UNC13C: variants seen among roughly 807,000 people sequenced by gnomAD.
UNC13C encodes the protein protein unc-13 homolog C.
A neutral mutation model predicts 245.4 loss-of-function variants in UNC13C; 174 were observed. The observed-to-expected ratio is 0.71, with a 90% confidence interval of 0.63 to 0.80. The LOEUF (loss-of-function observed/expected upper bound fraction) is 0.80. Ranked by LOEUF, UNC13C falls within the 30% of genes least tolerant of loss-of-function variation. The pLI, the probability that UNC13C is intolerant of heterozygous loss-of-function variation, is 0.00. For synonymous variants in UNC13C, 992 were observed against 895.1 expected (o/e 1.11, Z -1.93); for missense variants, 2,829 against 2,602.9 (o/e 1.09, Z -1.89).
chr15:54,027,381 G>T lies in UNC13C; in HGVS notation c.2983+11495G>T, dbSNP rs530336785. Among the ~76,000 whole-genome samples the T allele has an allele frequency of 1.7e-4, 26 of 152,078 alleles. No homozygotes were observed. In the East Asian group the frequency reaches 4.4e-3, roughly 26 times the overall value. ...CTGTTGAACTCTCCTCTTTTGTTTT[G>T]TTTTTGAGACAGAGTCTCGCTCTGT... is the stretch of plus-strand genomic sequence containing the variant. On this transcript the variant is annotated intron_variant, in intron 2 of 32. Transcript: ENST00000260323.
intron 30 of UNC13C, among the ~76,000 whole-genome samples, chr15:54,592,662 C>T (rs1178919682): frequency 6.6e-6 from 1 of 151,950 alleles, no homozygotes; most frequent in Admixed American, 6.6e-5. Context: ...CTTTTTCTAC[C>T]CCTTTAAGTT....
At chr15:54,210,175 A>G (rs1325700928) in intron 4 of UNC13C, among the ~76,000 whole-genome samples, 2 of 150,064 alleles carry the variant, frequency 1.3e-5, no homozygotes, top group Non-Finnish European at 3.0e-5. Flanking sequence ...ATAAATATTT[A>G]TTATATTATG....
intron 10 of UNC13C, among the ~76,000 whole-genome samples, chr15:54,285,313 G>A (rs896441120): frequency 6.6e-6 from 1 of 152,004 alleles, no homozygotes; most frequent in Non-Finnish European, 1.5e-5. Context: ...AAATGTAGGT[G>A]AGAAAAGTTT....
chr15:54,606,903 T>C (rs1215830143), intron 30 of UNC13C, among the ~76,000 whole-genome samples: 3 of 152,134 alleles, frequency 2.0e-5, no homozygotes, highest in Admixed American at 6.6e-5. Context: ...ATTTACCGAA[T>C]TGGAAATATA....
the UNC13C span, among the ~76,000 whole-genome samples, chr15:53,944,244 C>A: frequency 2.6e-5 from 4 of 151,966 alleles, no homozygotes. Flanking sequence ...TTTAATTTGG[C>A]TCTTTTTTTA....
chr15:54,626,788 T>C, intron 32 of UNC13C, 40 bp from the exon 33 acceptor site: 1 of 1,567,810 alleles, frequency 6.4e-7, no homozygotes, highest in Non-Finnish European at 8.7e-7. Context: ...CTAGTGGAAG[T>C]AAAGTTTTTG....
chr15:53,843,527 AT>A, the UNC13C span, among the ~76,000 whole-genome samples: 5 of 151,644 alleles, frequency 3.3e-5, no homozygotes, highest in African/African-American at 7.3e-5. Context: ...TGTTTTACTT[AT>A]TTTTTTATAA....
chr15:54,130,534 C>T (rs536246438), intron 2 of UNC13C, among the ~76,000 whole-genome samples: 1 of 152,120 alleles, frequency 6.6e-6, no homozygotes, highest in African/African-American at 2.4e-5. Flanking sequence ...CCTCGTGATC[C>T]ACCCGCCTCG....
chr15:53,875,856 G>C, the UNC13C span, among the ~76,000 whole-genome samples: 2 of 152,162 alleles, frequency 1.3e-5, no homozygotes, highest in African/African-American at 4.8e-5. Flanking sequence ...ACACAGTGCT[G>C]ACACATGGCA....
At chr15:54,507,251 A>G (rs1894515022) in intron 23 of UNC13C, 57 bp downstream of exon 23, 1 of 1,094,174 alleles carries the variant, frequency 9.1e-7, no homozygotes, top group Non-Finnish European at 1.4e-6. Context: ...TACTTCTTCA[A>G]AGTATGAGTA....
intron 13 of UNC13C, among the ~76,000 whole-genome samples, chr15:54,302,313 T>C (rs1298645097): frequency 6.6e-6 from 1 of 152,232 alleles, no homozygotes; most frequent in Non-Finnish European, 1.5e-5. Flanking sequence ...CATTTGTCAA[T>C]TTTGGCTTTT....
intron 2 of UNC13C, among the ~76,000 whole-genome samples, chr15:54,083,040 G>A (rs185943265): frequency 6.6e-6 from 1 of 152,154 alleles, no homozygotes; most frequent in Non-Finnish European, 1.5e-5. Context: ...AATTCAGGCT[G>A]CATTCCAGTA....
chr15:54,487,786 AAAAGACAGAGAG>A (rs1257271387), intron 19 of UNC13C, among the ~76,000 whole-genome samples: 8,208 of 94,000 alleles, frequency 0.087, 272 homozygotes, highest in East Asian at 0.14. Context: ...AAAAAAAAAA[AAAAGACAGAGAG>A]AGAGAAAAGA....
intron 14 of UNC13C, among the ~76,000 whole-genome samples, chr15:54,326,341 A>G (rs1435674275): frequency 2.0e-5 from 3 of 152,128 alleles, no homozygotes; most frequent in African/African-American, 7.2e-5. Context: ...AGGGACATGT[A>G]AAAGAAATTC....
At chr15:54,445,127 C>T (rs1890736223) in intron 19 of UNC13C, among the ~76,000 whole-genome samples, 2 of 151,916 alleles carry the variant, frequency 1.3e-5, no homozygotes, top group African/African-American at 4.8e-5. Flanking sequence ...CATCCATGTC[C>T]CTATAAAGGA....
chr15:54,613,545 A>G (rs1385966715), intron 30 of UNC13C, among the ~76,000 whole-genome samples: 1 of 151,976 alleles, frequency 6.6e-6, no homozygotes, highest in African/African-American at 2.4e-5. Flanking sequence ...TAACGAATAA[A>G]TATTTATGGA....
intron 10 of UNC13C, among the ~76,000 whole-genome samples, chr15:54,277,819 C>A (rs1596131506): frequency 6.6e-6 from 1 of 151,954 alleles, no homozygotes; most frequent in Non-Finnish European, 1.5e-5. Context: ...TGATTTGAAC[C>A]CAATCTATTT....
At chr15:53,875,289 C>G in the UNC13C span, among the ~76,000 whole-genome samples, 1 of 152,188 alleles carries the variant, frequency 6.6e-6, no homozygotes, top group African/African-American at 2.4e-5. Context: ...ACTATGCCAT[C>G]CTGGGGTGCA....
rs183143301 is a variant in UNC13C, at chr15:54,553,083, A to G, written c.5878-2349A>G. ...CAATATATAATATATATTGTATTCT[A>G]TATTACAATATATAATATATATTGT... On this transcript the variant is annotated intron_variant, in intron 28 of 32. Coordinates refer to ENST00000260323, the MANE Select transcript of UNC13C (RefSeq NM_001080534.3). 4.2e-3 allele frequency among the ~76,000 whole-genome samples: 375 copies of G among 88,510 alleles called. 17 individuals carry two copies. Among genetic ancestry groups the G allele is most frequent in the African/African-American group, 0.016 (301 of 18,660 alleles). 58.1% of individuals were successfully genotyped at this position (88,510 alleles called of 152,430 possible). A position where few individuals can be genotyped will look rare whatever the true frequency, so the allele number is the denominator to read the frequency against.
Sources: allele counts gnomAD v4.1 joint callset (sites outside exome capture counted in the v4.1 genomes callset), GRCh38; gene constraint gnomAD v4.1.1; transcripts MANE v1.5; gene names NCBI Gene and HGNC (gene_info 2026-07-23, HGNC 2026-07-21).